FBXO8: variants seen among roughly 807,000 people sequenced by gnomAD.
FBXO8 encodes F-box protein 8.
FBXO8 carries 15 observed loss-of-function variants against 33.4 expected under a neutral mutation model. The ratio of observed to expected loss-of-function variants is 0.45; its 90% CI spans 0.30 to 0.69. The LOEUF (loss-of-function observed/expected upper bound fraction) is 0.69. Ranked by LOEUF, FBXO8 falls within the 30% of genes least tolerant of loss-of-function variation. The probability of loss-of-function intolerance (pLI) is 0.08; values close to 1 mark genes in which losing one functional copy is unlikely to be tolerated. For missense variants in FBXO8, 274 were observed against 380.3 expected (o/e 0.72, Z 2.32); for synonymous variants, 132 against 131.5 (o/e 1.00, Z -0.02).
Position 174,236,957 on chromosome 4 carries a change from T to A in FBXO8, c.*455A>T, listed in dbSNP as rs1196340693. On this transcript the variant is annotated 3_prime_UTR_variant, in exon 6 of 6. Coordinates refer to ENST00000393674, the MANE Select transcript of FBXO8 (RefSeq NM_012180.3). ...AGTTTCAGATCAGAATCAAATAAAT[T>A]TCAGAACTCAGTTTGAGAGAAAAGG... The A allele has an allele frequency of 6.6e-6, 1 of 152,296 alleles. No homozygotes were observed. The highest frequency in any genetic ancestry group is 1.9e-4 in the East Asian group (1 of 5,202). 9.4% of individuals were successfully genotyped at this position (152,296 alleles called of 1,614,324 possible).
intron 3 of FBXO8, among the ~76,000 whole-genome samples, chr4:174,246,605 A>G (rs1244421882): frequency 2.0e-5 from 3 of 151,882 alleles, no homozygotes; most frequent in Non-Finnish European, 2.9e-5. Context: ...TTTTTTTTCA[A>G]GATAATTATG....
In FBXO8 at chr4:174,252,344, T is replaced by C. The variant is rs1175387246; in HGVS notation, c.456+7355A>G. 2.0e-5 allele frequency among the ~76,000 whole-genome samples: 3 copies of C among 152,108 alleles called. No individual in the cohort carries two copies. The highest frequency in any genetic ancestry group is 6.6e-5 in the Admixed American group (1 of 15,256). On this transcript the variant is annotated intron_variant, in intron 3 of 5. Coordinates refer to ENST00000393674, the MANE Select transcript of FBXO8 (RefSeq NM_012180.3). The surrounding 1 kb of genome is among the most constrained non-coding windows in gnomAD (Gnocchi z 5.1). The stretch of plus-strand genomic sequence containing the variant: ...CTCCTAAGAGTCTGGATAATAATAA[T>C]AGCAATAATACATCAAGATGTTTTT...
rs1276018654 is a variant in FBXO8 at position 174,265,993 on chromosome 4, C to CTGCAGTA, written c.-8-2900_-8-2894dup. ...AAAGGTAAATTATCAAACATGGTAA[C>CTGCAGTA]TGCAGTATCTGAAGTCTCAATATTT... On this transcript the variant is annotated intron_variant, in intron 1 of 5. Coordinates refer to ENST00000393674, the MANE Select transcript of FBXO8 (RefSeq NM_012180.3). The surrounding 1 kb of genome is among the most constrained non-coding windows in gnomAD (Gnocchi z 4.7). 6.6e-6 allele frequency among the ~76,000 whole-genome samples: 1 copy of CTGCAGTA among 152,078 alleles called. No homozygotes were observed. Among genetic ancestry groups the CTGCAGTA allele is most frequent in the African/African-American group, 2.4e-5 (1 of 41,406 alleles).
intron 1 of FBXO8, among the ~76,000 whole-genome samples, chr4:174,264,808 A>C (rs536648755): frequency 4.0e-5 from 6 of 149,032 alleles, no homozygotes; most frequent in Admixed American, 6.7e-5. Flanking sequence ...AAAAAAAAAA[A>C]CAGAATATCG....
At position 174,265,689 on chromosome 4, in the gene FBXO8, A is replaced by C. The variant is rs1736681712; in HGVS notation, c.-8-2589T>G. On this transcript the variant is annotated intron_variant, in intron 1 of 5. Transcript: ENST00000393674. This position sits in a 1 kb window ranked among gnomAD's most constrained non-coding sequence, Gnocchi z 4.7. ...TGGAGACAGTAGAAATGATCAACGT[A>C]CAAAAAATAGAGAATGTCAACAAAA... Among the ~76,000 whole-genome samples the C allele has an allele frequency of 6.6e-6, 1 of 152,200 alleles. No homozygotes were observed. Among genetic ancestry groups the C allele is most frequent in the Admixed American group, 6.5e-5 (1 of 15,286 alleles).
chr4:174,240,663 T>C (rs1260856441), intron 4 of FBXO8, among the ~76,000 whole-genome samples: 1 of 151,738 alleles, frequency 6.6e-6, no homozygotes, highest in Non-Finnish European at 1.5e-5. Flanking sequence ...AGTGTCTACA[T>C]GCAAATATAT....
Position 174,251,430 on chromosome 4 carries a change from C to G in FBXO8, c.456+8269G>C, listed in dbSNP as rs1354976521. The stretch of plus-strand genomic sequence containing the variant: ...CACAAACCTCCTCTGGGAACTGATT[C>G]TACACCACATGTTGGAGTGACTCTG... On this transcript the variant is annotated intron_variant, in intron 3 of 5. Coordinates refer to ENST00000393674, the MANE Select transcript of FBXO8 (RefSeq NM_012180.3). This position sits in a 1 kb window ranked among gnomAD's most constrained non-coding sequence, Gnocchi z 4.2. 6.6e-6 allele frequency among the ~76,000 whole-genome samples: 1 copy of G among 152,090 alleles called. No homozygotes were observed. The highest frequency in any genetic ancestry group is 1.5e-5 in the Non-Finnish European group (1 of 68,022).
chr4:174,259,475 T>C lies in FBXO8; in HGVS notation c.456+224A>G, dbSNP rs896553548. Among the ~76,000 whole-genome samples the C allele has an allele frequency of 6.6e-6, 1 of 152,086 alleles. No homozygotes were observed. The highest frequency in any genetic ancestry group is 2.4e-5 in the African/African-American group (1 of 41,446). On this transcript the variant is annotated intron_variant, in intron 3 of 5. Transcript: ENST00000393674. The surrounding 1 kb of genome is among the most constrained non-coding windows in gnomAD (Gnocchi z 4.3). ...TAGAGGACTGAATATATATCATGGA[T>C]GCTGCTACATAAAGTGAACAGGTAG...
rs1234906814 is a variant in FBXO8 at position 174,245,357 on chromosome 4, GTAAGGGGTTTAGACAAGGAATT to G, written c.457-4161_457-4140del. Among the ~76,000 whole-genome samples, 1 of 151,882 alleles carries G rather than the reference GTAAGGGGTTTAGACAAGGAATT, an allele frequency of 6.6e-6. No individual in the cohort carries two copies. The highest frequency in any genetic ancestry group is 2.4e-5 in the African/African-American group (1 of 41,400). On this transcript the variant is annotated intron_variant, in intron 3 of 5. Transcript: ENST00000393674. The surrounding 1 kb of genome is among the most constrained non-coding windows in gnomAD (Gnocchi z 4.6). ...CTGCTAGAGATTAGACTGAAGTATT[GTAAGGGGTTTAGACAAGGAATT>G]TAAGGGGTTTAGACAGCTCTGAATG...
chr4:174,275,456 C>T lies in FBXO8; in HGVS notation c.-9+7954G>A, dbSNP rs1229378967. 6.6e-6 allele frequency among the ~76,000 whole-genome samples: 1 copy of T among 151,976 alleles called. No homozygotes were observed. Among genetic ancestry groups the T allele is most frequent in the Admixed American group, 6.6e-5 (1 of 15,260 alleles). ...ACAAAACTATTACCAATCAGAGAAA[C>T]TAGGTAAAGTGTACAAGGGATGACT... is the stretch of plus-strand genomic sequence containing the variant. On this transcript the variant is annotated intron_variant, in intron 1 of 5. Transcript: ENST00000393674. This position sits in a 1 kb window ranked among gnomAD's most constrained non-coding sequence, Gnocchi z 4.4.
In FBXO8 at chr4:174,252,458, C is replaced by T. The variant is rs888000149; in HGVS notation, c.456+7241G>A. Among the ~76,000 whole-genome samples the T allele has an allele frequency of 4.6e-5, 7 of 152,254 alleles. No individual in the cohort carries two copies. The highest frequency in any genetic ancestry group is 2.6e-4 in the Admixed American group (4 of 15,292). ...ACCTTGTATAACAAGAAGTTCCAAACTAATATGGCTCCAGGTTGTTGGGCT... is the reference window on the plus strand; with the variant it reads ...ACCTTGTATAACAAGAAGTTCCAAATTAATATGGCTCCAGGTTGTTGGGCT... On this transcript the variant is annotated intron_variant, in intron 3 of 5. Coordinates refer to ENST00000393674, the MANE Select transcript of FBXO8 (RefSeq NM_012180.3). This position sits in a 1 kb window ranked among gnomAD's most constrained non-coding sequence, Gnocchi z 5.1.
intron 5 of FBXO8, among the ~76,000 whole-genome samples, chr4:174,238,454 T>G (rs756971469): frequency 6.6e-6 from 1 of 151,700 alleles, no homozygotes; most frequent in Non-Finnish European, 1.5e-5. Context: ...AATAAAATTT[T>G]TGATATGAAA....
chr4:174,262,347 G>A lies in FBXO8; in HGVS notation c.329+417C>T, dbSNP rs1196991043. On this transcript the variant is annotated intron_variant, in intron 2 of 5. Transcript: ENST00000393674. The surrounding 1 kb of genome is among the most constrained non-coding windows in gnomAD (Gnocchi z 4.6). ...AAAATTAAAAACAGTAACATTTGAG[G>A]ACTATTCATTGATTTCGAAGTCTGC... is the stretch of plus-strand genomic sequence containing the variant. Among the ~76,000 whole-genome samples the A allele has an allele frequency of 6.6e-6, 1 of 152,154 alleles. No individual in the cohort carries two copies. The highest frequency in any genetic ancestry group is 1.5e-5 in the Non-Finnish European group (1 of 68,014).
Position 174,255,332 on chromosome 4 carries a change from T to C in FBXO8, c.456+4367A>G, listed in dbSNP as rs1736390806. Among the ~76,000 whole-genome samples, 1 of 152,188 alleles carries C rather than the reference T, an allele frequency of 6.6e-6. No homozygotes were observed. Among genetic ancestry groups the C allele is most frequent in the African/African-American group, 2.4e-5 (1 of 41,462 alleles). On this transcript the variant is annotated intron_variant, in intron 3 of 5. Coordinates refer to ENST00000393674, the MANE Select transcript of FBXO8 (RefSeq NM_012180.3). The surrounding 1 kb of genome is among the most constrained non-coding windows in gnomAD (Gnocchi z 4.3). ...TCATTAACATATATCTGAGATACTA[T>C]TTTTAAGAACTGAATGTAAATTCCT...
In FBXO8 at chr4:174,261,305, A is replaced by C. The variant is rs1736554673; in HGVS notation, c.329+1459T>G. Among the ~76,000 whole-genome samples the C allele has an allele frequency of 1.3e-5, 2 of 151,998 alleles. No homozygotes were observed. The highest frequency in any genetic ancestry group is 4.8e-5 in the African/African-American group (2 of 41,446). ...TAAGCCAGCCTTTAATTTCAAATAGAAGCAATTTATTATTAAGGAAAAAAT... is the reference window on the plus strand; with the variant it reads ...TAAGCCAGCCTTTAATTTCAAATAGCAGCAATTTATTATTAAGGAAAAAAT... On this transcript the variant is annotated intron_variant, in intron 2 of 5. Transcript: ENST00000393674. The surrounding 1 kb of genome is among the most constrained non-coding windows in gnomAD (Gnocchi z 4.1).
rs1450731477 is a variant in FBXO8, at chr4:174,256,589, T to C, written c.456+3110A>G. 6.6e-6 allele frequency among the ~76,000 whole-genome samples: 1 copy of C among 152,206 alleles called. No homozygotes were observed. Among genetic ancestry groups the C allele is most frequent in the Non-Finnish European group, 1.5e-5 (1 of 68,042 alleles). On this transcript the variant is annotated intron_variant, in intron 3 of 5. Transcript: ENST00000393674. This position sits in a 1 kb window ranked among gnomAD's most constrained non-coding sequence, Gnocchi z 4.6. ...TAAACAATTAGCCAAGTTAACATTA[T>C]TTATGTTAGTCAATGAAAGAAAGTA...
chr4:174,273,184 G>A (rs902952215), intron 1 of FBXO8, among the ~76,000 whole-genome samples: 7 of 151,912 alleles, frequency 4.6e-5, no homozygotes, highest in South Asian at 2.1e-4. Context: ...CTACTTAGGC[G>A]GCTGAGGCAG....
At chr4:174,271,848 T>A (rs2126446051) in intron 1 of FBXO8, among the ~76,000 whole-genome samples, 1 of 152,330 alleles carries the variant, frequency 6.6e-6, no homozygotes, top group Non-Finnish European at 1.5e-5. Flanking sequence ...TCAATAAATT[T>A]TAATCTTAAT....
At chr4:174,239,360 A>G (rs1735974415) in intron 4 of FBXO8, among the ~76,000 whole-genome samples, 170 bp from the exon 5 acceptor site, 1 of 151,874 alleles carries the variant, frequency 6.6e-6, no homozygotes, top group Non-Finnish European at 1.5e-5. Flanking sequence ...TCTAAGTATG[A>G]TTATTTAAGA....
Sources: allele counts gnomAD v4.1 joint callset (sites outside exome capture counted in the v4.1 genomes callset), GRCh38; gene constraint gnomAD v4.1.1; non-coding constraint Gnocchi (gnomAD v3.1); transcripts MANE v1.5; gene names NCBI Gene and HGNC (gene_info 2026-07-23, HGNC 2026-07-21).